IL6R: variants seen among roughly 807,000 people sequenced by gnomAD.
IL6R encodes the protein interleukin-6 receptor subunit alpha.
A neutral mutation model predicts 48.3 loss-of-function variants in IL6R; 38 were observed. The observed-to-expected ratio is 0.79, with a 90% CI of 0.61 to 1.03. The LOEUF is 1.03. Ranked by LOEUF, IL6R falls within the 50% of genes least tolerant of loss-of-function variation. IL6R has a pLI of 0.00. For missense variants in IL6R, 534 were observed against 618.3 expected (o/e 0.86, Z 1.45); for synonymous variants, 264 against 256.2 (o/e 1.03, Z -0.29).
In IL6R at chr1:154,467,389, T is replaced by A. The variant is rs4379670; in HGVS notation, c.*2009T>A. 0.8 allele frequency: 121,004 copies of A among 152,100 alleles called. 48,301 individuals are homozygous for A. Among genetic ancestry groups the A allele is most frequent in the Admixed American group, 0.84 (12,834 of 15,274 alleles). 9.4% of individuals were successfully genotyped at this position (152,100 alleles called of 1,614,324 possible). A position where few individuals can be genotyped will look rare whatever the true frequency, so the allele number is the denominator to read the frequency against. On this transcript the variant is annotated 3_prime_UTR_variant, in exon 10 of 10. Transcript: ENST00000368485. ...ATCAGCCGTGTAACCATGGACCCAA[T>A]ATTTACCAGACCACAAAACTTTTCT...
chr1:154,464,024 C>G (rs1691402966), intron 9 of IL6R, among the ~76,000 whole-genome samples: 1 of 152,148 alleles, frequency 6.6e-6, no homozygotes, highest in African/African-American at 2.4e-5. Context: ...GTTGAGGGAG[C>G]AGTGGGACCC....
chr1:154,449,660 T>G (rs1259260927), intron 7 of IL6R, among the ~76,000 whole-genome samples: 5 of 152,214 alleles, frequency 3.3e-5, no homozygotes, highest in Admixed American at 1.3e-4. Context: ...ACTGAGCATC[T>G]TCTCTGTGCA....
intron 1 of IL6R, among the ~76,000 whole-genome samples, chr1:154,422,357 C>T (rs1323255259): frequency 1.3e-5 from 2 of 152,216 alleles, no homozygotes; most frequent in Non-Finnish European, 2.9e-5. Flanking sequence ...TCTCTCTTCC[C>T]CCTTTAGAAT....
chr1:154,409,730 G>A (rs1390255098), intron 1 of IL6R, among the ~76,000 whole-genome samples: 2 of 152,112 alleles, frequency 1.3e-5, no homozygotes, highest in East Asian at 1.9e-4. Flanking sequence ...GAATAAAAGA[G>A]ACAAAAACCC....
chr1:154,445,611 G>T (rs895833813), intron 6 of IL6R, among the ~76,000 whole-genome samples: 1 of 152,056 alleles, frequency 6.6e-6, no homozygotes, highest in African/African-American at 2.4e-5. Flanking sequence ...TTAGGCGGGT[G>T]TGGTGGTGGG....
chr1:154,456,040 G>C (rs1690867209), intron 9 of IL6R, among the ~76,000 whole-genome samples: 1 of 151,828 alleles, frequency 6.6e-6, no homozygotes, highest in African/African-American at 2.4e-5. Flanking sequence ...CTGGGTGACA[G>C]AATGAGACTC....
intron 6 of IL6R, among the ~76,000 whole-genome samples, chr1:154,440,047 C>T (rs1237736299): frequency 3.3e-5 from 5 of 152,086 alleles, no homozygotes; most frequent in East Asian, 1.9e-4. Context: ...AGATTACAGG[C>T]GCCTGCCACC....
intron 3 of IL6R, among the ~76,000 whole-genome samples, chr1:154,434,057 G>A (rs1689465672): frequency 1.3e-5 from 2 of 151,706 alleles, no homozygotes. Flanking sequence ...AACCAGCCAC[G>A]TGTGATTGTT....
chr1:154,429,520 C>CTGGAA, intron 2 of IL6R, 76 bp downstream of exon 2: 1 of 1,495,528 alleles, frequency 6.7e-7, no homozygotes, highest in Non-Finnish European at 9.0e-7. Flanking sequence ...CAGTCCCTGT[C>CTGGAA]TGAGCCTTCA....
At chr1:154,457,389 A>T (rs925935242) in intron 9 of IL6R, among the ~76,000 whole-genome samples, 1 of 151,926 alleles carries the variant, frequency 6.6e-6, no homozygotes, top group African/African-American at 2.4e-5. Context: ...AGCACCACAC[A>T]GTTAAATCCA....
intron 8 of IL6R, among the ~76,000 whole-genome samples, chr1:154,450,877 C>A (rs564966198): frequency 6.6e-6 from 1 of 152,362 alleles, no homozygotes; most frequent in East Asian, 1.9e-4. Flanking sequence ...CTGGCTGCCT[C>A]TGCTACAACA....
At chr1:154,430,048 C>T (rs1558310529) in intron 2 of IL6R, among the ~76,000 whole-genome samples, 1 of 152,178 alleles carries the variant, frequency 6.6e-6, no homozygotes. Flanking sequence ...TGTAATCCTT[C>T]AGCAGCCTTG....
chr1:154,434,612 C>T lies in IL6R; in HGVS notation c.552C>T (p.Asp184=), dbSNP rs1392002013. ...GCCAGTTAGCAGTCCCGGAGGGAGA[C>T]AGCTCTTTCTACATAGTGTCCATGT... is the stretch of plus-strand genomic sequence containing the variant. The part of the protein sequence containing the change: ...FSCQLAVPEG[D]SSFYIVSMCV... The change falls in exon 4 of 10, where the codon GAC becomes GAT. Residue 184 remains aspartate, a synonymous_variant. Coordinates refer to ENST00000368485, the MANE Select transcript of IL6R (RefSeq NM_000565.4). The T allele has an allele frequency of 1.9e-6, 3 of 1,614,144 alleles. No individual in the cohort carries two copies. The highest frequency in any genetic ancestry group is 1.1e-5 in the South Asian group (1 of 91,078).
intron 1 of IL6R, among the ~76,000 whole-genome samples, chr1:154,409,989 G>A (rs1687936513): frequency 6.6e-6 from 1 of 152,138 alleles, no homozygotes; most frequent in Admixed American, 6.5e-5. Context: ...TTCCCTATAT[G>A]TCCATCTTGG....
chr1:154,428,734 C>A (rs1689113857), intron 1 of IL6R, among the ~76,000 whole-genome samples: 1 of 152,008 alleles, frequency 6.6e-6, no homozygotes. Context: ...AGCTGGGGGA[C>A]CGGAAACGAT....
chr1:154,465,478 G>A lies in IL6R; in HGVS notation c.*98G>A. Reference sequence around the variant, plus strand: ...TCACTGCCATGCCAGCTTATCTCAGGGGTGTGCGGCCTTTGGCTTCACGGA... The same window carrying A: ...TCACTGCCATGCCAGCTTATCTCAGAGGTGTGCGGCCTTTGGCTTCACGGA... On this transcript the variant is annotated 3_prime_UTR_variant, in exon 10 of 10. Transcript: ENST00000368485. The A allele has an allele frequency of 1.4e-6, 2 of 1,418,568 alleles. No individual in the cohort carries two copies. The highest frequency in any genetic ancestry group is 2.0e-6 in the Non-Finnish European group (2 of 1,016,550). 87.9% of individuals were successfully genotyped at this position (1,418,568 alleles called of 1,614,324 possible).
At chr1:154,439,307 C>T (rs973765166) in intron 6 of IL6R, among the ~76,000 whole-genome samples, 6 of 152,128 alleles carry the variant, frequency 3.9e-5, no homozygotes, top group Admixed American at 3.9e-4. Flanking sequence ...TAAGATTTAC[C>T]ATTTATATTA....
rs1324883664 is a variant in IL6R, at chr1:154,468,456, A to G, written c.*3076A>G. 1 of 152,232 alleles carries G rather than the reference A, an allele frequency of 6.6e-6. No homozygotes were observed. Among genetic ancestry groups the G allele is most frequent in the Admixed American group, 6.5e-5 (1 of 15,288 alleles). The allele number at this position is 152,232 out of a possible 1,614,324, so 9.4% of individuals were successfully genotyped here. A position where few individuals can be genotyped will look rare whatever the true frequency, so the allele number is the denominator to read the frequency against. On this transcript the variant is annotated 3_prime_UTR_variant, in exon 10 of 10. Coordinates refer to ENST00000368485, the MANE Select transcript of IL6R (RefSeq NM_000565.4). ...CAAGGCCTAAAGTAAAATGATCAAT[A>G]ATGTTTGTAGCATTAATGAAATATT...
chr1:154,443,974 G>T (rs548872956), intron 6 of IL6R, among the ~76,000 whole-genome samples: 1 of 151,874 alleles, frequency 6.6e-6, no homozygotes, highest in South Asian at 2.1e-4. Context: ...CTTGCACATC[G>T]CACCAAATGT....
Sources: allele counts gnomAD v4.1 joint callset (sites outside exome capture counted in the v4.1 genomes callset), GRCh38; gene constraint gnomAD v4.1.1; transcripts MANE v1.5; gene names NCBI Gene and HGNC (gene_info 2026-07-23, HGNC 2026-07-21).